BNC2: variants seen among roughly 807,000 people sequenced by gnomAD.
The protein encoded by BNC2 is zinc finger protein basonuclin-2.
BNC2 carries 20 observed loss-of-function variants against 76.3 expected under a neutral mutation model. The observed-to-expected ratio is 0.26, with a 90% CI of 0.18 to 0.38. The LOEUF (loss-of-function observed/expected upper bound fraction) is 0.38. BNC2 is among the 10% of genes least tolerant of loss of function. The probability of loss-of-function intolerance (pLI) is 1.00; values close to 1 mark genes in which losing one functional copy is unlikely to be tolerated. For missense variants in BNC2, 1,382 were observed against 1,399.8 expected, an observed-to-expected ratio of 0.99 and a Z score of 0.20; for synonymous variants, 582 against 514.8, an observed-to-expected ratio of 1.13 and a Z score of -1.77.
chr9:16,550,078 G>C (rs535790756), intron 5 of BNC2, among the ~76,000 whole-genome samples: 279 of 152,118 alleles, frequency 1.8e-3, no homozygotes, highest in African/African-American at 6.4e-3. Flanking sequence ...TAAAATAAGA[G>C]ATTTATAAAT....
rs542074745 is a variant in BNC2, at chr9:16,685,631, G to A, written c.330+42166C>T. 560 of 1,304,178 alleles carry A rather than the reference G, an allele frequency of 4.3e-4. 2 individuals carry two copies. The highest frequency in any genetic ancestry group is 5.5e-4 in the Non-Finnish European group (541 of 988,842). The allele number at this position is 1,304,178 out of a possible 1,614,324, so 80.8% of individuals were successfully genotyped here. A position where few individuals can be genotyped will look rare whatever the true frequency, so the allele number is the denominator to read the frequency against. On this transcript the variant is annotated intron_variant, in intron 3 of 6. Coordinates refer to ENST00000380672, the MANE Select transcript of BNC2 (RefSeq NM_017637.6). ...CTGCCAGTACATGCCAATGGAACCTGAGGGAATACAGCCACGTTAGATGCT... is the reference window on the plus strand; with the variant it reads ...CTGCCAGTACATGCCAATGGAACCTAAGGGAATACAGCCACGTTAGATGCT...
At chr9:16,469,444 T>C (rs760321318) in intron 5 of BNC2, among the ~76,000 whole-genome samples, 1 of 152,248 alleles carries the variant, frequency 6.6e-6, no homozygotes, top group Non-Finnish European at 1.5e-5. Flanking sequence ...GCTGTCACTA[T>C]GTAAGCAGTG....
At chr9:16,473,584 C>T (rs559826100) in intron 5 of BNC2, among the ~76,000 whole-genome samples, 104 of 152,220 alleles carry the variant, frequency 6.8e-4, no homozygotes, top group African/African-American at 2.4e-3. Flanking sequence ...CATGAAGATA[C>T]GATGATGGGA....
chr9:16,472,185 T>C (rs1821840633), intron 5 of BNC2, among the ~76,000 whole-genome samples: 2 of 152,326 alleles, frequency 1.3e-5, no homozygotes, highest in South Asian at 4.1e-4. Context: ...CACTATATTG[T>C]CCTGTAGTAA....
At chr9:16,553,400 T>C (rs922105677) in intron 4 of BNC2, among the ~76,000 whole-genome samples, 2 of 152,198 alleles carry the variant, frequency 1.3e-5, no homozygotes, top group Non-Finnish European at 2.9e-5. Context: ...TCTCTCAATT[T>C]CTCTCGTTAG....
chr9:16,503,615 C>T (rs1183594163), intron 5 of BNC2, among the ~76,000 whole-genome samples: 1 of 152,092 alleles, frequency 6.6e-6, no homozygotes, highest in Non-Finnish European at 1.5e-5. Flanking sequence ...TGGGGTCAAG[C>T]AGTCTCTCAA....
At chr9:16,665,749 G>C (rs951302269) in intron 3 of BNC2, among the ~76,000 whole-genome samples, 1 of 152,120 alleles carries the variant, frequency 6.6e-6, no homozygotes, top group Non-Finnish European at 1.5e-5. Flanking sequence ...CACGGATCTA[G>C]GCACTCTGGA....
At chr9:16,806,270 G>A (rs977797129) in intron 1 of BNC2, among the ~76,000 whole-genome samples, 4 of 152,130 alleles carry the variant, frequency 2.6e-5, no homozygotes, top group African/African-American at 7.2e-5. Context: ...GAGCCCAAGG[G>A]TTCAAGACCA....
In BNC2 at chr9:16,739,467, G is replaced by A. The variant is rs188796294; in HGVS notation, c.4-982C>T. Among the ~76,000 whole-genome samples, 225 of 152,278 alleles carry A rather than the reference G, an allele frequency of 1.5e-3. 1 individual carries two copies. The highest frequency in any genetic ancestry group is 3.4e-3 in the Middle Eastern group (1 of 294). On this transcript the variant is annotated intron_variant, in intron 1 of 6. Coordinates refer to ENST00000380672, the MANE Select transcript of BNC2 (RefSeq NM_017637.6). ...GCAGATAACCTAAAGTCAGGAGTTCGAGACCATCCTGGCCAAAATGGTGAA... is the reference window on the plus strand; with the variant it reads ...GCAGATAACCTAAAGTCAGGAGTTCAAGACCATCCTGGCCAAAATGGTGAA...
intron 3 of BNC2, among the ~76,000 whole-genome samples, chr9:16,706,696 C>T (rs754782762): frequency 6.6e-5 from 10 of 152,016 alleles, no homozygotes; most frequent in Non-Finnish European, 1.5e-4. Context: ...CATTATCATG[C>T]CTTGAAAAGT....
intron 4 of BNC2, among the ~76,000 whole-genome samples, chr9:16,560,108 G>A (rs1818964355): frequency 6.6e-6 from 1 of 152,176 alleles, no homozygotes; most frequent in Admixed American, 6.5e-5. Flanking sequence ...GAAACAGACT[G>A]CTGGGCCACC....
intron 3 of BNC2, among the ~76,000 whole-genome samples, chr9:16,599,065 T>A (rs1820172290): frequency 6.6e-6 from 1 of 152,214 alleles, no homozygotes; most frequent in African/African-American, 2.4e-5. Context: ...CATTAAAATG[T>A]ATGTAGCCTA....
intron 5 of BNC2, among the ~76,000 whole-genome samples, chr9:16,548,823 G>A (rs1227573635): frequency 1.3e-5 from 2 of 152,080 alleles, no homozygotes; most frequent in Non-Finnish European, 2.9e-5. Context: ...CTAACTTTCT[G>A]TACTTTCTGA....
At chr9:16,495,279 C>T (rs73415496) in intron 5 of BNC2, among the ~76,000 whole-genome samples, 5,010 of 152,244 alleles carry the variant, frequency 0.033, 281 homozygotes, top group African/African-American at 0.11. Flanking sequence ...AAAAAATCAA[C>T]AGCAAATATT....
intron 1 of BNC2, among the ~76,000 whole-genome samples, chr9:16,768,168 G>C (rs1206107130): frequency 6.6e-6 from 1 of 151,882 alleles, no homozygotes; most frequent in Non-Finnish European, 1.5e-5. Context: ...GTTTCACAAT[G>C]TTGGCTAGGC....
At chr9:16,621,889 G>A (rs966691995) in intron 3 of BNC2, among the ~76,000 whole-genome samples, 1 of 152,070 alleles carries the variant, frequency 6.6e-6, no homozygotes, top group East Asian at 1.9e-4. Context: ...CATAATTTTT[G>A]ATATACTGGG....
intron 6 of BNC2, among the ~76,000 whole-genome samples, chr9:16,428,559 GATTAGAAC>G (rs1263911574): frequency 6.6e-6 from 1 of 152,188 alleles, no homozygotes; most frequent in African/African-American, 2.4e-5. Flanking sequence ...GATGAATTTA[GATTAGAAC>G]ATTAGCACAA....
chr9:16,491,025 G>C lies in BNC2; in HGVS notation c.670-53501C>G, dbSNP rs1361760204. On this transcript the variant is annotated intron_variant, in intron 5 of 6. Transcript: ENST00000380672. The stretch of plus-strand genomic sequence containing the variant: ...ATATGAGCAGAGGTGTGGAGGCGGA[G>C]CACAAGTCTGGAGGACAGAGACGCA... Among the ~76,000 whole-genome samples the C allele has an allele frequency of 5.3e-5, 8 of 152,296 alleles. 1 individual carries two copies. The Middle Eastern group carries it at 0.024, about 453-fold the overall frequency.
chr9:16,826,747 G>A (rs1003053454), intron 1 of BNC2, among the ~76,000 whole-genome samples: 1 of 152,144 alleles, frequency 6.6e-6, no homozygotes, highest in Non-Finnish European at 1.5e-5. Context: ...ATAGCTCTGT[G>A]CTGGATCAAG....
Sources: gnomAD v4.1 joint callset for allele counts (sites outside exome capture counted in the v4.1 genomes callset) on GRCh38, gnomAD v4.1.1 for gene constraint, MANE v1.5 for transcripts, NCBI Gene and HGNC (gene_info 2026-07-23, HGNC 2026-07-21) for gene names.